Variants in SLC39A9 observed in about 807,000 individuals in gnomAD.
The protein encoded by SLC39A9 is zinc transporter ZIP9.
A neutral mutation model predicts 28.4 loss-of-function variants in SLC39A9; 14 were observed. The ratio of observed to expected loss-of-function variants is 0.49; its 90% CI spans 0.33 to 0.77. SLC39A9 has a LOEUF of 0.77. Among genes scored for constraint, SLC39A9 ranks in the 30% least tolerant of loss-of-function variants. The pLI, the probability that SLC39A9 is intolerant of heterozygous loss-of-function variation, is 0.02. For missense variants in SLC39A9, 283 were observed against 381.1 expected (o/e 0.74, Z 2.14); for synonymous variants, 119 against 149.6 (o/e 0.80, Z 1.49).
chr14:69,416,147 G>C (rs1883569428), intron 1 of SLC39A9, among the ~76,000 whole-genome samples: 2 of 151,746 alleles, frequency 1.3e-5, no homozygotes, highest in South Asian at 4.2e-4. Flanking sequence ...ACAGGCCCTG[G>C]TGTGAGATGT....
chr14:69,455,930 C>A, intron 6 of SLC39A9, 64 bp downstream of exon 6: 6 of 1,560,788 alleles, frequency 3.8e-6, no homozygotes, highest in South Asian at 1.2e-5. Context: ...TTTATGATCT[C>A]TTAGATTGAA....
chr14:69,461,621 A>G lies in SLC39A9; in HGVS notation c.*3028A>G. 1 of 1,528,310 alleles carries G rather than the reference A, an allele frequency of 6.5e-7. No individual in the cohort carries two copies. The highest frequency in any genetic ancestry group is 1.2e-5 in the South Asian group (1 of 82,252). 94.7% of individuals were successfully genotyped at this position (1,528,310 alleles called of 1,614,324 possible). A position where few individuals can be genotyped will look rare whatever the true frequency, so the allele number is the denominator to read the frequency against. On this transcript the variant is annotated 3_prime_UTR_variant, in exon 7 of 7. Transcript: ENST00000336643. ...TTTGAGTTGTCCTTTCTTTGCAGAA[A>G]GGAGAAAATGTGATTGTGTTTTTTT...
At chr14:69,455,600 A>T (rs1885820248) in intron 5 of SLC39A9, 132 bp from the exon 6 acceptor site, 1 of 1,246,402 alleles carries the variant, frequency 8.0e-7, no homozygotes, top group African/African-American at 1.5e-5. Flanking sequence ...GATTACAGGC[A>T]TTAGCCACTG....
chr14:69,407,331 TCTTC>T (rs1253067594), intron 1 of SLC39A9, among the ~76,000 whole-genome samples: 1 of 134,180 alleles, frequency 7.5e-6, no homozygotes, highest in East Asian at 2.3e-4. Flanking sequence ...TTCCTTCCTT[TCTTC>T]CTTCCTTTCT....
At chr14:69,455,709 AAG>A in intron 5 of SLC39A9, 21 bp from the exon 6 acceptor site, 1 of 1,613,982 alleles carries the variant, frequency 6.2e-7, no homozygotes, top group African/African-American at 1.3e-5. Flanking sequence ...GAATGATAAT[AAG>A]AGATGATTTT....
intron 6 of SLC39A9, among the ~76,000 whole-genome samples, chr14:69,457,394 G>T (rs1224100567): frequency 6.6e-6 from 1 of 152,048 alleles, no homozygotes; most frequent in African/African-American, 2.4e-5. Flanking sequence ...GTAGAGACAG[G>T]GTTTCACCAT....
chr14:69,450,786 A>G (rs1885569232), intron 3 of SLC39A9, among the ~76,000 whole-genome samples: 1 of 152,178 alleles, frequency 6.6e-6, no homozygotes, highest in Non-Finnish European at 1.5e-5. Flanking sequence ...AAAAATAAAA[A>G]TAAAATGTGT....
chr14:69,413,189 T>A (rs948166781), intron 1 of SLC39A9, among the ~76,000 whole-genome samples: 2 of 152,110 alleles, frequency 1.3e-5, no homozygotes, highest in Non-Finnish European at 2.9e-5. Context: ...ACCCTGTCTC[T>A]ACTAAAAATA....
At chr14:69,436,245 T>A (rs1036008914) in intron 2 of SLC39A9, among the ~76,000 whole-genome samples, 1 of 152,086 alleles carries the variant, frequency 6.6e-6, no homozygotes, top group African/African-American at 2.4e-5. Flanking sequence ...CTCTATTTTT[T>A]AAAAATTATT....
At chr14:69,444,022 C>T (rs183338522) in intron 3 of SLC39A9, among the ~76,000 whole-genome samples, 3 of 150,786 alleles carry the variant, frequency 2.0e-5, no homozygotes, top group Admixed American at 6.6e-5. Flanking sequence ...CCCATCTCTA[C>T]GAAAAAAAAA....
chr14:69,405,240 T>C lies in SLC39A9; in HGVS notation c.96+5775T>C, dbSNP rs186194514. Among the ~76,000 whole-genome samples the C allele has an allele frequency of 5.8e-4, 89 of 152,344 alleles. 1 individual carries two copies. Among genetic ancestry groups the C allele is most frequent in the Admixed American group, 5.4e-3 (83 of 15,300 alleles). ...ATTATAATAACTGACTCATTCATAA[T>C]AAGTATCTTTAGGGGTTTGAGTTAC... On this transcript the variant is annotated intron_variant, in intron 1 of 6. Transcript: ENST00000336643.
chr14:69,434,008 C>T (rs1884619408), intron 2 of SLC39A9, among the ~76,000 whole-genome samples: 1 of 151,968 alleles, frequency 6.6e-6, no homozygotes, highest in Non-Finnish European at 1.5e-5. Context: ...TGGTCTCAAG[C>T]TCCTGGCCTC....
At chr14:69,427,737 G>A (rs1180743391) in intron 2 of SLC39A9, among the ~76,000 whole-genome samples, 2 of 152,152 alleles carry the variant, frequency 1.3e-5, no homozygotes, top group Non-Finnish European at 2.9e-5. Context: ...TATATGAAGG[G>A]AAAATGTGTA....
At chr14:69,420,650 T>G (rs1015235755) in intron 1 of SLC39A9, among the ~76,000 whole-genome samples, 2 of 152,234 alleles carry the variant, frequency 1.3e-5, no homozygotes, top group African/African-American at 4.8e-5. Flanking sequence ...AAACGTAGAT[T>G]TGGTCTTTTC....
rs570011836 is a variant in SLC39A9 at position 69,426,840 on chromosome 14, G to A, written c.205+2638G>A. Reference sequence around the variant, plus strand: ...ACAAAAACCAATATATACACATAACGTTTGTGTGTGTGTGTATATGTTTGT... The same window carrying A: ...ACAAAAACCAATATATACACATAACATTTGTGTGTGTGTGTATATGTTTGT... On this transcript the variant is annotated intron_variant, in intron 2 of 6. Transcript: ENST00000336643. Among the ~76,000 whole-genome samples the A allele has an allele frequency of 4.1e-4, 62 of 152,054 alleles. No homozygotes were observed. In the South Asian group the frequency reaches 0.013, roughly 31 times the overall value.
chr14:69,446,517 CAT>C (rs950086117), intron 3 of SLC39A9, among the ~76,000 whole-genome samples: 2 of 151,876 alleles, frequency 1.3e-5, no homozygotes, highest in African/African-American at 4.8e-5. Context: ...CCACTGGCCA[CAT>C]GTGGGATAAG....
intron 1 of SLC39A9, among the ~76,000 whole-genome samples, chr14:69,421,865 C>T (rs1883918097): frequency 6.6e-6 from 1 of 152,240 alleles, no homozygotes; most frequent in African/African-American, 2.4e-5. Flanking sequence ...TGGAAAAGCG[C>T]AGTATTTGGG....
intron 5 of SLC39A9, 28 bp downstream of exon 5, chr14:69,454,925 G>T: frequency 1.3e-6 from 2 of 1,528,968 alleles, no homozygotes; most frequent in African/African-American, 1.4e-5. Flanking sequence ...GTAAGGTTTG[G>T]TATTGAGTGT....
chr14:69,448,527 A>C (rs765146035), intron 3 of SLC39A9, among the ~76,000 whole-genome samples: 1 of 152,212 alleles, frequency 6.6e-6, no homozygotes, highest in Non-Finnish European at 1.5e-5. Context: ...ACATACACAC[A>C]AAAGTTTTTA....
Sources: allele counts gnomAD v4.1 joint callset (sites outside exome capture counted in the v4.1 genomes callset), GRCh38; gene constraint gnomAD v4.1.1; transcripts MANE v1.5; gene names NCBI Gene and HGNC (gene_info 2026-07-23, HGNC 2026-07-21).